NCOA3: variants seen among roughly 807,000 people sequenced by gnomAD.
NCOA3 encodes the protein nuclear receptor coactivator 3.
In NCOA3, 51 loss-of-function variants were observed where a neutral mutation model predicts 158.8. The ratio of observed to expected loss-of-function variants is 0.32; its 90% CI spans 0.26 to 0.41. The LOEUF is 0.41. NCOA3 is among the 10% of genes least tolerant of loss of function. The pLI, the probability that NCOA3 is intolerant of heterozygous loss-of-function variation, is 1.00. For synonymous variants in NCOA3, 537 were observed against 592.4 expected, an observed-to-expected ratio of 0.91 and a Z score of 1.36; for missense variants, 1,510 against 1,746.6, an observed-to-expected ratio of 0.86 and a Z score of 2.41.
Position 47,635,363 on chromosome 20 carries a change from A to T in NCOA3, c.1154A>T (p.Gln385Leu), listed in dbSNP as rs774767913. The change falls in exon 11 of 23, where the codon CAA becomes CTA. Residue 385 changes from glutamine (Q) to leucine (L), a missense_variant. Around this residue, in one of 4 missense-constraint regions of NCOA3, gnomAD observed 1,017 missense variants for 1,098.3 expected, o/e 0.93. Coordinates refer to ENST00000371998, the MANE Select transcript of NCOA3 (RefSeq NM_181659.3). The part of the protein sequence containing the change: ...GYRPNPNPVG[Q>L]GIRPPMAGCN... ...AGACCAAACCCAAATCCTGTTGGACAAGGGATTAGACCACCTATGGCTGGA... is the reference window on the plus strand; with the variant it reads ...AGACCAAACCCAAATCCTGTTGGACTAGGGATTAGACCACCTATGGCTGGA... 1 of 1,609,556 alleles carries T rather than the reference A, an allele frequency of 6.2e-7. No homozygotes were observed. The highest frequency in any genetic ancestry group is 8.5e-7 in the Non-Finnish European group (1 of 1,176,146).
chr20:47,656,315 AAC>A lies in NCOA3; in HGVS notation c.*2900_*2901del, dbSNP rs1270389562. On this transcript the variant is annotated 3_prime_UTR_variant, in exon 23 of 23. Coordinates refer to ENST00000371998, the MANE Select transcript of NCOA3 (RefSeq NM_181659.3). ...TGGATTGAAAGGTGTAAATATCAAT[AAC>A]AGTGCTACTTAGTTATCAGTATTTA... The A allele has an allele frequency of 6.6e-6, 1 of 152,180 alleles. No homozygotes were observed. Among genetic ancestry groups the A allele is most frequent in the African/African-American group, 2.4e-5 (1 of 41,436 alleles). 9.4% of individuals were successfully genotyped at this position (152,180 alleles called of 1,614,324 possible).
chr20:47,591,407 A>C (rs2085637682), intron 2 of NCOA3, among the ~76,000 whole-genome samples: 1 of 152,296 alleles, frequency 6.6e-6, no homozygotes, highest in Middle Eastern at 3.4e-3. Context: ...AGAATCTTCA[A>C]CTGTCCTTTG....
At chr20:47,613,758 A>T (rs1322210985) in intron 2 of NCOA3, among the ~76,000 whole-genome samples, 1 of 151,954 alleles carries the variant, frequency 6.6e-6, no homozygotes, top group African/African-American at 2.4e-5. Context: ...TAAAAATATA[A>T]AAATTAGCTG....
rs1228109191 is a variant in NCOA3 at position 47,636,188 on chromosome 20, G to A, written c.1802G>A (p.Ser601Asn). 1 of 1,614,080 alleles carries A rather than the reference G, an allele frequency of 6.2e-7. No individual in the cohort carries two copies. The highest frequency in any genetic ancestry group is 8.5e-7 in the Non-Finnish European group (1 of 1,180,030). ...DHLSDKESKESSVEGAENQRG... is the reference protein window; with the variant it reads ...DHLSDKESKENSVEGAENQRG... ...CTCAGTGACAAAGAAAGTAAGGAGA[G>A]CAGTGTTGAGGGGGCAGAGAATCAA... The change falls in exon 12 of 23, where the codon AGC becomes AAC. Residue 601 changes from serine (S) to asparagine (N), a missense_variant. Physicochemically the swap from Ser to Asn is conservative, Grantham distance 46. Around this residue, in one of 4 missense-constraint regions of NCOA3, gnomAD observed 1,017 missense variants for 1,098.3 expected, o/e 0.93. Coordinates refer to ENST00000371998, the MANE Select transcript of NCOA3 (RefSeq NM_181659.3).
intron 1 of NCOA3, among the ~76,000 whole-genome samples, chr20:47,539,737 T>C (rs2084691809): frequency 6.6e-6 from 1 of 152,158 alleles, no homozygotes; most frequent in Admixed American, 6.6e-5. Context: ...TACGTATTAC[T>C]AGGTCTCAAA....
At chr20:47,552,169 A>C (rs1181535387) in intron 1 of NCOA3, among the ~76,000 whole-genome samples, 2 of 152,216 alleles carry the variant, frequency 1.3e-5, no homozygotes, top group African/African-American at 4.8e-5. Context: ...ATATCACATT[A>C]CTGAAGCATA....
chr20:47,595,826 G>C (rs2085745764), intron 2 of NCOA3, among the ~76,000 whole-genome samples: 1 of 152,050 alleles, frequency 6.6e-6, no homozygotes, highest in Non-Finnish European at 1.5e-5. Flanking sequence ...AAGTGAAGTA[G>C]GGATAATATT....
At chr20:47,609,412 T>C (rs1306175576) in intron 2 of NCOA3, among the ~76,000 whole-genome samples, 2 of 152,178 alleles carry the variant, frequency 1.3e-5, no homozygotes, top group African/African-American at 4.8e-5. Flanking sequence ...AGATATTCTC[T>C]AATAATAATG....
chr20:47,648,105 A>G (rs113640565), intron 18 of NCOA3, among the ~76,000 whole-genome samples: 2,611 of 151,978 alleles, frequency 0.017, 79 homozygotes, highest in African/African-American at 0.06. Flanking sequence ...GGGTTTCACC[A>G]TGTTGGCCAG....
chr20:47,556,574 G>A (rs1375781633), intron 1 of NCOA3, among the ~76,000 whole-genome samples: 1 of 152,070 alleles, frequency 6.6e-6, no homozygotes, highest in African/African-American at 2.4e-5. Flanking sequence ...CCAGGCTGTA[G>A]TACAGTGGTG....
intron 1 of NCOA3, among the ~76,000 whole-genome samples, chr20:47,507,163 A>G (rs1411062090): frequency 6.6e-6 from 1 of 152,236 alleles, no homozygotes; most frequent in Admixed American, 6.5e-5. Context: ...TGTACAGGTT[A>G]AATCCCATTA....
At chr20:47,541,151 A>G (rs898220355) in intron 1 of NCOA3, among the ~76,000 whole-genome samples, 1 of 150,686 alleles carries the variant, frequency 6.6e-6, no homozygotes, top group African/African-American at 2.4e-5. Flanking sequence ...AAAAAGAGGA[A>G]CTCCCTGTCC....
chr20:47,636,800 C>A, intron 12 of NCOA3, 38 bp downstream of exon 12: 1 of 1,519,320 alleles, frequency 6.6e-7, no homozygotes, highest in Non-Finnish European at 8.9e-7. Flanking sequence ...CATATTTCAT[C>A]ATTTTTCGGT....
intron 1 of NCOA3, among the ~76,000 whole-genome samples, chr20:47,565,845 C>A (rs2085184902): frequency 6.6e-6 from 1 of 152,118 alleles, no homozygotes; most frequent in Non-Finnish European, 1.5e-5. Context: ...GATAATACTC[C>A]CATGACCATC....
At chr20:47,631,991 T>C (rs902086499) in intron 8 of NCOA3, among the ~76,000 whole-genome samples, 1 of 152,196 alleles carries the variant, frequency 6.6e-6, no homozygotes, top group African/African-American at 2.4e-5. Context: ...AATTTTAGTT[T>C]GGACAGTTTC....
At chr20:47,535,988 T>C (rs1013622753) in intron 1 of NCOA3, among the ~76,000 whole-genome samples, 1 of 152,100 alleles carries the variant, frequency 6.6e-6, no homozygotes, top group African/African-American at 2.4e-5. Context: ...CTGGCGCTGC[T>C]GGTGTCTGTC....
chr20:47,526,065 G>A (rs868633991), intron 1 of NCOA3, among the ~76,000 whole-genome samples: 141 of 149,734 alleles, frequency 9.4e-4, no homozygotes, highest in African/African-American at 3.3e-3. Context: ...CCAGGCAGAG[G>A]GTCTCCTCAC....
At chr20:47,613,423 C>T (rs1000483743) in intron 2 of NCOA3, among the ~76,000 whole-genome samples, 1 of 145,906 alleles carries the variant, frequency 6.9e-6, no homozygotes, top group Non-Finnish European at 1.5e-5. Context: ...TTGGTAGTGA[C>T]ATTTATCCCT....
chr20:47,610,667 G>A (rs1482305278), intron 2 of NCOA3, among the ~76,000 whole-genome samples: 2 of 152,236 alleles, frequency 1.3e-5, no homozygotes, highest in Non-Finnish European at 2.9e-5. Context: ...AGTCTTGTGA[G>A]TCAGACTTGC....
Sources: gnomAD v4.1 joint callset for allele counts (sites outside exome capture counted in the v4.1 genomes callset) on GRCh38, gnomAD v4.1.1 for gene constraint, gnomAD v4.1.1 regional missense constraint, MANE v1.5 for transcripts, NCBI Gene and HGNC (gene_info 2026-07-23, HGNC 2026-07-21) for gene names.